Variants in PTGR1 observed in about 807,000 individuals in gnomAD.
PTGR1 encodes prostaglandin reductase 1, also known as 15-oxoprostaglandin 13-reductase.
PTGR1 carries 23 observed loss-of-function variants against 37.7 expected under a neutral mutation model. The observed-to-expected ratio is 0.61, with a 90% CI of 0.44 to 0.86. The LOEUF is 0.86. Ranked by LOEUF, PTGR1 falls within the 40% of genes least tolerant of loss-of-function variation. PTGR1 has a pLI of 0.00. For missense variants in PTGR1, 351 were observed against 394.3 expected (o/e 0.89, Z 0.93); for synonymous variants, 134 against 140.0 (o/e 0.96, Z 0.30).
At position 111,578,867 on chromosome 9, in the gene PTGR1, T is replaced by C. The variant is rs141717707; in HGVS notation, c.580A>G (p.Lys194Glu). 7.8e-5 allele frequency: 126 copies of C among 1,613,116 alleles called. No individual in the cohort carries two copies. Among genetic ancestry groups the C allele is most frequent in the Middle Eastern group, 1.6e-4 (1 of 6,084 alleles). The change falls in exon 7 of 10, where the codon AAG (lysine) becomes GAG (glutamate). Residue 194 changes from lysine to glutamate, a missense_variant. Coordinates refer to ENST00000407693, the MANE Select transcript of PTGR1 (RefSeq NM_001146108.2). ...GTTTCTTCCAAAGACTCTACCGTCTTGTAGTTAAAGACGACATCAAATCCA... is the reference window on the plus strand; with the variant it reads ...GTTTCTTCCAAAGACTCTACCGTCTCGTAGTTAAAGACGACATCAAATCCA... ...KLGFDVVFNY[K>E]TVESLEETLK...
At chr9:111,586,801 CTCTA>C (rs1450399514) in intron 4 of PTGR1, among the ~76,000 whole-genome samples, 16 of 147,054 alleles carry the variant, frequency 1.1e-4, no homozygotes, top group South Asian at 4.4e-4. Flanking sequence ...CTCTCTCTCT[CTCTA>C]TATATATATA....
intron 9 of PTGR1, among the ~76,000 whole-genome samples, chr9:111,566,540 T>C (rs186439608): frequency 1.3e-5 from 2 of 152,328 alleles, no homozygotes; most frequent in African/African-American, 2.4e-5. Context: ...TGCAACTTGA[T>C]TGTTCAGATT....
At position 111,578,873 on chromosome 9, in the gene PTGR1, TA is replaced by T; in HGVS notation, c.573del (p.Phe191LeufsTer6). On this transcript the variant is annotated frameshift_variant, in exon 7 of 10. Transcript: ENST00000407693. LOFTEE classifies it high-confidence loss of function. ...YLQKLGFDVVFNYKTVESLEE... is the reference protein window; with the variant it reads ...YLQKLGFDVVXNYKTVESLEE... ...TCCAAAGACTCTACCGTCTTGTAGT[TA>T]AAGACGACATCAAATCCAAGCTTTT... 1.6e-5 allele frequency: 25 copies of T among 1,612,634 alleles called. No individual in the cohort carries two copies. The highest frequency in any genetic ancestry group is 2.1e-5 in the Non-Finnish European group (25 of 1,179,262).
At chr9:111,589,597 T>C (rs1829545392) in intron 4 of PTGR1, among the ~76,000 whole-genome samples, 1 of 151,844 alleles carries the variant, frequency 6.6e-6, no homozygotes, top group South Asian at 2.1e-4. Flanking sequence ...GACTCAAAAT[T>C]TTTGTCATAA....
chr9:111,582,279 A>G (rs1829304695), intron 6 of PTGR1, among the ~76,000 whole-genome samples: 1 of 152,234 alleles, frequency 6.6e-6, no homozygotes, highest in Non-Finnish European at 1.5e-5. Context: ...AATGGACAGA[A>G]AGGTTGAATA....
At chr9:111,593,920 G>A (rs78275578) in intron 3 of PTGR1, among the ~76,000 whole-genome samples, 1 of 60,322 alleles carries the variant, frequency 1.7e-5, no homozygotes, top group African/African-American at 9.5e-5. Context: ...TTCTTTTAAG[G>A]TTTTTTTTTT....
downstream of PTGR1, among the ~76,000 whole-genome samples, chr9:111,561,521 CA>C (rs1252132593): frequency 1.3e-5 from 2 of 152,172 alleles, no homozygotes; most frequent in African/African-American, 4.8e-5. Flanking sequence ...CTTAGCCTCC[CA>C]AAGAGCTGGG....
chr9:111,557,758 C>T (rs563046843), downstream of PTGR1, among the ~76,000 whole-genome samples: 1 of 152,302 alleles, frequency 6.6e-6, no homozygotes, highest in African/African-American at 2.4e-5. Flanking sequence ...TGATGTTAAC[C>T]TTGACCACTT....
chr9:111,557,092 G>T (rs1276585433), intron 9 of PTGR1, among the ~76,000 whole-genome samples: 1 of 152,162 alleles, frequency 6.6e-6, no homozygotes, highest in Non-Finnish European at 1.5e-5. Context: ...CATTGTCTTG[G>T]CTATTAACAT....
chr9:111,553,010 A>G (rs1026481600), intron 9 of PTGR1, among the ~76,000 whole-genome samples: 7 of 152,168 alleles, frequency 4.6e-5, no homozygotes, highest in Non-Finnish European at 1.0e-4. Context: ...ATAGCTTGCC[A>G]GGTTTACAAA....
At chr9:111,584,420 C>A (rs1254522130) in intron 5 of PTGR1, among the ~76,000 whole-genome samples, 1 of 152,156 alleles carries the variant, frequency 6.6e-6, no homozygotes, top group Non-Finnish European at 1.5e-5. Context: ...TTGTTTAGTG[C>A]CCACTAATTG....
intron 6 of PTGR1, among the ~76,000 whole-genome samples, chr9:111,579,866 G>A (rs10491726): frequency 0.078 from 11,839 of 152,250 alleles, 596 homozygotes; most frequent in Non-Finnish European, 0.11. Context: ...ACAGATTATA[G>A]TGGTTCATAG....
intron 6 of PTGR1, 26 bp downstream of exon 6, chr9:111,583,446 G>T (rs767611775): frequency 1.3e-6 from 2 of 1,541,010 alleles, no homozygotes; most frequent in Admixed American, 1.7e-5. Flanking sequence ...TTGAATAAAG[G>T]CTTGTTACTG....
downstream of PTGR1, among the ~76,000 whole-genome samples, chr9:111,560,966 TATATATATAGAGAGAGAGAGAG>T (rs1278569108): frequency 9.0e-4 from 41 of 45,356 alleles, 5 homozygotes; most frequent in South Asian, 1.9e-3. Flanking sequence ...TATATATATA[TATATATATAGAGAGAGAGAGAG>T]AGAGAGAGAG....
At position 111,587,079 on chromosome 9, in the gene PTGR1, T is replaced by C. The variant is rs149902832; in HGVS notation, c.210-914A>G. ...ATCCACCTGCCTTGGCCTCCCAAAG[T>C]GCTAGGATTACAGGTGTAAGCCACT... On this transcript the variant is annotated intron_variant, in intron 4 of 9. Transcript: ENST00000407693. Among the ~76,000 whole-genome samples the C allele has an allele frequency of 2.3e-4, 35 of 152,190 alleles. 1 individual carries two copies. The East Asian group carries it at 5.4e-3, about 24-fold the overall frequency.
chr9:111,595,458 G>T (rs1357048612), intron 2 of PTGR1, among the ~76,000 whole-genome samples: 1 of 152,130 alleles, frequency 6.6e-6, no homozygotes, highest in Non-Finnish European at 1.5e-5. Flanking sequence ...CCCAGTTGGT[G>T]TGAGAGAACA....
intron 7 of PTGR1, chr9:111,577,565 C>T (rs1829113363): frequency 6.6e-6 from 1 of 152,230 alleles, no homozygotes; most frequent in African/African-American, 2.4e-5. Flanking sequence ...ACCCATCAGG[C>T]TGGGTGTGGT....
chr9:111,592,832 A>G, intron 4 of PTGR1, 94 bp downstream of exon 4: 1 of 1,513,094 alleles, frequency 6.6e-7, no homozygotes, highest in Non-Finnish European at 8.9e-7. Context: ...ACATAGGCTG[A>G]AGAAATTGTA....
At chr9:111,592,533 G>A (rs1394221237) in intron 4 of PTGR1, 2 of 162,564 alleles carry the variant, frequency 1.2e-5, no homozygotes, top group East Asian at 1.8e-4. Flanking sequence ...ACCAGAAGGC[G>A]GTGACGCCCC....
Sources: gnomAD v4.1 joint callset for allele counts (sites outside exome capture counted in the v4.1 genomes callset) on GRCh38, gnomAD v4.1.1 for gene constraint, MANE v1.5 for transcripts, NCBI Gene and HGNC (gene_info 2026-07-23, HGNC 2026-07-21) for gene names.